Variants in RNF168 observed in about 807,000 individuals in gnomAD.
RNF168 encodes E3 ubiquitin-protein ligase RNF168.
In RNF168, 34 loss-of-function variants were observed where a neutral mutation model predicts 34.9. That is an observed-to-expected ratio of 0.97 (90% CI 0.74 to 1.30). The LOEUF is 1.30. Among genes scored for constraint, RNF168 ranks in the 50% most tolerant of loss-of-function variants. RNF168 has a pLI of 0.00. For missense variants in RNF168, 725 were observed against 682.5 expected (o/e 1.06, Z -0.69); for synonymous variants, 264 against 254.7 (o/e 1.04, Z -0.35).
rs143869472 is a variant in RNF168 at position 196,478,579 on chromosome 3, T to C, written c.681-3267A>G. ...TGCTCAATTAAACTCTGTTAATTTG[T>C]CTAAGGTTCTCCTTTTAACATATGT... On this transcript the variant is annotated intron_variant, in intron 4 of 5. Transcript: ENST00000318037. Among the ~76,000 whole-genome samples, 6 of 152,348 alleles carry C rather than the reference T, an allele frequency of 3.9e-5. No individual in the cohort carries two copies. In the East Asian group the frequency reaches 9.6e-4, roughly 24 times the overall value.
intron 1 of RNF168, among the ~76,000 whole-genome samples, chr3:196,493,870 TGAG>T (rs1560274864): frequency 6.6e-6 from 1 of 151,030 alleles, no homozygotes; most frequent in Non-Finnish European, 1.5e-5. Flanking sequence ...TTTTTTTTTT[TGAG>T]ACAGAGTCTC....
intron 5 of RNF168, among the ~76,000 whole-genome samples, chr3:196,473,641 G>A (rs1420252137): frequency 6.6e-6 from 1 of 152,114 alleles, no homozygotes; most frequent in Admixed American, 6.6e-5. Context: ...GCTCACCTGA[G>A]GTCAGGAGTT....
intron 1 of RNF168, among the ~76,000 whole-genome samples, chr3:196,502,444 C>T (rs941071082): frequency 6.6e-6 from 1 of 151,956 alleles, no homozygotes; most frequent in East Asian, 1.9e-4. Context: ...AAAAATTCCC[C>T]GGGCGTGATG....
At chr3:196,499,465 G>A (rs922052302) in intron 1 of RNF168, among the ~76,000 whole-genome samples, 1 of 152,092 alleles carries the variant, frequency 6.6e-6, no homozygotes, top group Admixed American at 6.5e-5. Flanking sequence ...AGTAGCCCTA[G>A]GAAATAAAAA....
chr3:196,489,691 AC>A (rs1255830761), intron 1 of RNF168, among the ~76,000 whole-genome samples: 2 of 152,208 alleles, frequency 1.3e-5, no homozygotes, highest in Admixed American at 1.3e-4. Context: ...GATAATTGAT[AC>A]AGCAGAAATG....
intron 1 of RNF168, among the ~76,000 whole-genome samples, chr3:196,495,338 A>G (rs1269929677): frequency 6.6e-6 from 1 of 152,230 alleles, no homozygotes; most frequent in Non-Finnish European, 1.5e-5. Context: ...ATTACCCATC[A>G]TATCAATGAT....
Position 196,475,257 on chromosome 3 carries a change from C to T in RNF168, c.736G>A (p.Glu246Lys). ...GSASHSEAVQEVRKDSVSKDI... is the reference protein window; with the variant it reads ...GSASHSEAVQKVRKDSVSKDI... The stretch of plus-strand genomic sequence containing the variant: ...TTAGATACGGAGTCTTTCCTGACTT[C>T]TTGTACAGCTTCAGAGTGTGAGGCT... The change falls in exon 5 of 6, where the codon GAA becomes AAA. Residue 246 changes from glutamate to lysine, a missense_variant. By Grantham distance (56) the Glu-to-Lys change is moderately conservative. Transcript: ENST00000318037. The T allele has an allele frequency of 6.2e-7, 1 of 1,609,546 alleles. No individual in the cohort carries two copies. Among genetic ancestry groups the T allele is most frequent in the Non-Finnish European group, 8.5e-7 (1 of 1,175,824 alleles).
In RNF168 at chr3:196,502,976, G is replaced by T. The variant is rs1445416016; in HGVS notation, c.198C>A (p.Thr66=). Residue 66 remains threonine (T), a synonymous_variant, in exon 1 of 6, where the codon ACC becomes ACA. Transcript: ENST00000318037. ...RRVSSWTRYH[T]RRNSLVNVEL... ...CCACGTTGACGAGAGAATTTCTTCG[G>T]GTATGGTACCGAGTCCACGACGATA... The T allele has an allele frequency of 6.2e-7, 1 of 1,614,066 alleles. No individual in the cohort carries two copies. The highest frequency in any genetic ancestry group is 8.5e-7 in the Non-Finnish European group (1 of 1,179,984).
chr3:196,489,405 C>T (rs1169026137), intron 1 of RNF168, among the ~76,000 whole-genome samples: 7 of 151,852 alleles, frequency 4.6e-5, no homozygotes, highest in Admixed American at 1.3e-4. Flanking sequence ...CAGCTCACTG[C>T]AACCTCCGCC....
At chr3:196,498,405 G>C (rs963675359) in intron 1 of RNF168, among the ~76,000 whole-genome samples, 1 of 151,906 alleles carries the variant, frequency 6.6e-6, no homozygotes, top group Non-Finnish European at 1.5e-5. Flanking sequence ...CACCCGCCTC[G>C]GCCTCCCAAA....
At chr3:196,490,304 GTTT>G (rs1050632896) in intron 1 of RNF168, among the ~76,000 whole-genome samples, 6 of 151,362 alleles carry the variant, frequency 4.0e-5, no homozygotes, top group Non-Finnish European at 7.4e-5. Flanking sequence ...ACAAGACACT[GTTT>G]TATAAAGTGT....
intron 1 of RNF168, among the ~76,000 whole-genome samples, chr3:196,489,174 G>C (rs1207636202): frequency 5.3e-5 from 8 of 151,704 alleles, no homozygotes; most frequent in Admixed American, 5.3e-4. Flanking sequence ...CATTTTGTGA[G>C]GCCAGAGGTT....
chr3:196,497,848 AC>A (rs1258237421), intron 1 of RNF168, among the ~76,000 whole-genome samples: 1 of 152,036 alleles, frequency 6.6e-6, no homozygotes, highest in African/African-American at 2.4e-5. Context: ...CTGGCAAAGT[AC>A]CAGTATTCAA....
rs1731950020 is a variant in RNF168 at position 196,469,521 on chromosome 3, G to A, written c.*2298C>T. The A allele has an allele frequency of 6.6e-6, 1 of 152,072 alleles. No individual in the cohort carries two copies. The highest frequency in any genetic ancestry group is 6.6e-5 in the Admixed American group (1 of 15,244). 9.4% of individuals were successfully genotyped at this position (152,072 alleles called of 1,614,324 possible). A position where few individuals can be genotyped will look rare whatever the true frequency, so the allele number is the denominator to read the frequency against. On this transcript the variant is annotated 3_prime_UTR_variant, in exon 6 of 6. Coordinates refer to ENST00000318037, the MANE Select transcript of RNF168 (RefSeq NM_152617.4). ...CAAATTTAAGCTAGAATTAGCTCCA[G>A]GACATTTTATCTTATTTTCACATTA...
chr3:196,491,665 T>C (rs1577519114), intron 1 of RNF168, among the ~76,000 whole-genome samples: 2 of 152,112 alleles, frequency 1.3e-5, no homozygotes, highest in East Asian at 3.9e-4. Context: ...CAAAAACACA[T>C]GTTCAACATT....
Position 196,472,565 on chromosome 3 carries a change from C to G in RNF168, c.970G>C (p.Glu324Gln), listed in dbSNP as rs759186699. Residue 324 changes from glutamate to glutamine, a missense_variant, in exon 6 of 6, where the codon GAG (glutamate) becomes CAG (glutamine). Transcript: ENST00000318037. ...VKTRPSNHGKELCVLSHERPK... is the reference protein window; with the variant it reads ...VKTRPSNHGKQLCVLSHERPK... ...CGCTCGTGACTTAAGACACATAACTCTTTCCCATGATTGCTTGGTCTTGTT... is the reference window on the plus strand; with the variant it reads ...CGCTCGTGACTTAAGACACATAACTGTTTCCCATGATTGCTTGGTCTTGTT... 2.7e-5 allele frequency: 44 copies of G among 1,614,122 alleles called. No homozygotes were observed. The highest frequency in any genetic ancestry group is 3.4e-5 in the Non-Finnish European group (40 of 1,180,046).
intron 1 of RNF168, among the ~76,000 whole-genome samples, chr3:196,502,648 C>T (rs1024543950): frequency 4.6e-5 from 7 of 151,778 alleles, no homozygotes; most frequent in African/African-American, 1.5e-4. Context: ...CAACAAACAC[C>T]CATCGAACAC....
In RNF168 at chr3:196,474,200, T is replaced by G. The variant is rs573168227; in HGVS notation, c.762+1031A>C. Among the ~76,000 whole-genome samples the G allele has an allele frequency of 3.4e-5, 5 of 147,940 alleles. No individual in the cohort carries two copies. The South Asian group carries it at 1.1e-3, about 32-fold the overall frequency. The stretch of plus-strand genomic sequence containing the variant: ...TGGAGTGCAATGGCGACATCTCAGC[T>G]CACTGCAACCTCCGCCTTCCGGGTT... On this transcript the variant is annotated intron_variant, in intron 5 of 5. Transcript: ENST00000318037.
intron 4 of RNF168, among the ~76,000 whole-genome samples, chr3:196,479,781 G>A (rs936969053): frequency 4.6e-5 from 7 of 151,594 alleles, no homozygotes; most frequent in African/African-American, 1.5e-4. Flanking sequence ...TAGTAGAAAC[G>A]GGGTTTCACC....
Sources: allele counts gnomAD v4.1 joint callset (sites outside exome capture counted in the v4.1 genomes callset), GRCh38; gene constraint gnomAD v4.1.1; transcripts MANE v1.5; gene names NCBI Gene and HGNC (gene_info 2026-07-23, HGNC 2026-07-21).